DCUN1D1: variants seen among roughly 807,000 people sequenced by gnomAD.
DCUN1D1 encodes DCN1-like protein 1.
Under a neutral mutation model 39.0 loss-of-function variants are expected in DCUN1D1, and 3 were observed. That is an observed-to-expected ratio of 0.08 (90% CI 0.04 to 0.20). The LOEUF (loss-of-function observed/expected upper bound fraction) is 0.20, where lower values mean the gene tolerates loss of function less well. Among genes scored for constraint, DCUN1D1 ranks in the 10% least tolerant of loss-of-function variants. The pLI, the probability that DCUN1D1 is intolerant of heterozygous loss-of-function variation, is 1.00. For missense variants in DCUN1D1, 158 were observed against 302.4 expected (o/e 0.52, Z 3.54); for synonymous variants, 82 against 96.3 (o/e 0.85, Z 0.87).
chr3:182,955,579 C>T, intron 4 of DCUN1D1: 1 of 490,304 alleles, frequency 2.0e-6, no homozygotes. Flanking sequence ...CTGACATACT[C>T]CATCAGGAGG....
intron 1 of DCUN1D1, chr3:182,980,144 T>C (rs1728461312): frequency 1.2e-6 from 1 of 838,078 alleles, no homozygotes; most frequent in Non-Finnish European, 1.4e-6. Context: ...GCAAGGCCGT[T>C]GCCCCCTCCC....
intron 3 of DCUN1D1, among the ~76,000 whole-genome samples, chr3:182,962,700 T>TG (rs1436879860): frequency 6.6e-6 from 1 of 152,226 alleles, no homozygotes; most frequent in African/African-American, 2.4e-5. Context: ...TGTTATGCCT[T>TG]GGAGTTTCCT....
intron 4 of DCUN1D1, 144 bp downstream of exon 4, chr3:182,961,082 A>C (rs113926822): frequency 1.6e-6 from 1 of 614,418 alleles, no homozygotes; most frequent in East Asian, 3.1e-5. Flanking sequence ...TCTGATTAAA[A>C]ATTTCCTGTT....
At chr3:182,975,594 G>C (rs1577200805) in intron 1 of DCUN1D1, among the ~76,000 whole-genome samples, 1 of 150,894 alleles carries the variant, frequency 6.6e-6, no homozygotes, top group Admixed American at 6.6e-5. Context: ...GAAACAACTA[G>C]GTCACTATTA....
intron 4 of DCUN1D1, among the ~76,000 whole-genome samples, chr3:182,952,646 C>A (rs191449930): frequency 3.4e-4 from 52 of 152,240 alleles, no homozygotes; most frequent in Non-Finnish European, 5.7e-4. Context: ...CCCTGCACCC[C>A]CTTCCCATGG....
At chr3:182,971,806 G>T (rs1727954191) in intron 1 of DCUN1D1, among the ~76,000 whole-genome samples, 1 of 152,108 alleles carries the variant, frequency 6.6e-6, no homozygotes, top group South Asian at 2.1e-4. Flanking sequence ...CTGGTGCCTG[G>T]TTTCAAGGCA....
intron 2 of DCUN1D1, among the ~76,000 whole-genome samples, chr3:182,964,823 TAG>T (rs1727587287): frequency 6.6e-6 from 1 of 151,746 alleles, no homozygotes; most frequent in Non-Finnish European, 1.5e-5. Flanking sequence ...GTATTTTTAG[TAG>T]AGACAGGGTT....
chr3:182,978,104 G>GGA (rs1039688971), intron 1 of DCUN1D1, among the ~76,000 whole-genome samples: 1 of 151,100 alleles, frequency 6.6e-6, no homozygotes, highest in Non-Finnish European at 1.5e-5. Context: ...ATCTAATTTT[G>GGA]GAGTCGTTTT....
chr3:182,969,041 C>T (rs1183882810), intron 1 of DCUN1D1, among the ~76,000 whole-genome samples: 1 of 152,208 alleles, frequency 6.6e-6, no homozygotes, highest in Non-Finnish European at 1.5e-5. Context: ...ACTGACAGTA[C>T]GGACTCCAGC....
chr3:182,948,332 TATAA>T (rs1726521879), intron 4 of DCUN1D1, among the ~76,000 whole-genome samples: 1 of 152,178 alleles, frequency 6.6e-6, no homozygotes, highest in Non-Finnish European at 1.5e-5. Flanking sequence ...CCAAAGACAA[TATAA>T]ATGACTTTTT....
intron 1 of DCUN1D1, chr3:182,980,151 T>TG: frequency 2.0e-6 from 1 of 498,612 alleles, no homozygotes; most frequent in Non-Finnish European, 2.6e-6. Flanking sequence ...CGTTGCCCCC[T>TG]CCCCTCCCCC....
chr3:182,975,957 C>T (rs1445370023), intron 1 of DCUN1D1, among the ~76,000 whole-genome samples: 1 of 151,208 alleles, frequency 6.6e-6, no homozygotes, highest in East Asian at 1.9e-4. Context: ...TGTACCTTCT[C>T]GATAAATGTT....
chr3:182,940,561 A>C lies in DCUN1D1; in HGVS notation c.*4533T>G, dbSNP rs2108613902. ...CCCTCTAAAGCCAATCATTAAAAAA[A>C]ATTTTTTTAACTGAGTATTTTTCCC... On this transcript the variant is annotated 3_prime_UTR_variant, in exon 7 of 7. Coordinates refer to ENST00000292782, the MANE Select transcript of DCUN1D1 (RefSeq NM_020640.4). The C allele has an allele frequency of 6.6e-6, 1 of 152,322 alleles. No individual in the cohort carries two copies. The highest frequency in any genetic ancestry group is 2.1e-4 in the South Asian group (1 of 4,824). The allele number at this position is 152,322 out of a possible 1,614,324, so 9.4% of individuals were successfully genotyped here. A position where few individuals can be genotyped will look rare whatever the true frequency, so the allele number is the denominator to read the frequency against.
Position 182,969,075 on chromosome 3 carries a change from C to T in DCUN1D1, c.4-3322G>A, listed in dbSNP as rs139878872. ...GCTAAGCCAAGTGATATTGACAATCCCATTCCTATAAAGTCTGATAAGTAC... is the reference window on the plus strand; with the variant it reads ...GCTAAGCCAAGTGATATTGACAATCTCATTCCTATAAAGTCTGATAAGTAC... On this transcript the variant is annotated intron_variant, in intron 1 of 6. Coordinates refer to ENST00000292782, the MANE Select transcript of DCUN1D1 (RefSeq NM_020640.4). Among the ~76,000 whole-genome samples, 327 of 152,288 alleles carry T rather than the reference C, an allele frequency of 2.1e-3. 3 individuals are homozygous for T. Among genetic ancestry groups the T allele is most frequent in the Middle Eastern group, 0.01 (3 of 294 alleles).
At chr3:182,948,055 C>T (rs1244040687) in intron 4 of DCUN1D1, among the ~76,000 whole-genome samples, 2 of 152,158 alleles carry the variant, frequency 1.3e-5, no homozygotes, top group Admixed American at 1.3e-4. Flanking sequence ...TGACCTCCAT[C>T]CACTAGATGC....
At chr3:182,967,130 AT>A (rs1727708984) in intron 1 of DCUN1D1, among the ~76,000 whole-genome samples, 1 of 1,878 alleles carries the variant, frequency 5.3e-4, no homozygotes, top group East Asian at 2.8e-3. Flanking sequence ...CAAAAAAACT[AT>A]ATATATATAT....
At chr3:182,985,065 C>A (rs115179286), upstream of DCUN1D1, among the ~76,000 whole-genome samples, 1,582 of 152,254 alleles carry the variant, frequency 0.01, 30 homozygotes, top group African/African-American at 0.037. Flanking sequence ...ACTGATGGAA[C>A]CTATTTTGTT....
At chr3:182,946,375 G>A (rs1020281889) in intron 6 of DCUN1D1, among the ~76,000 whole-genome samples, 1 of 152,014 alleles carries the variant, frequency 6.6e-6, no homozygotes, top group Admixed American at 6.6e-5. Context: ...GGCCAACATG[G>A]TGAAACCCCG....
chr3:182,964,615 T>C (rs1727570302), intron 2 of DCUN1D1, among the ~76,000 whole-genome samples: 1 of 151,128 alleles, frequency 6.6e-6, no homozygotes, highest in African/African-American at 2.4e-5. Flanking sequence ...TGCTATCAAA[T>C]ATGATTTACT....
Sources: allele counts gnomAD v4.1 joint callset (sites outside exome capture counted in the v4.1 genomes callset), GRCh38; gene constraint gnomAD v4.1.1; transcripts MANE v1.5; gene names NCBI Gene and HGNC (gene_info 2026-07-23, HGNC 2026-07-21).